CA10: variants seen among roughly 807,000 people sequenced by gnomAD.
CA10 encodes carbonic anhydrase 10 (inactive), also known as carbonic anhydrase-related protein 10.
CA10 carries 14 observed loss-of-function variants against 44.2 expected under a neutral mutation model. The ratio of observed to expected loss-of-function variants is 0.32; its 90% confidence interval spans 0.21 to 0.50. CA10 has a LOEUF of 0.50. CA10 is among the 20% of genes least tolerant of loss of function. The probability of loss-of-function intolerance (pLI) is 0.99; values close to 1 mark genes in which losing one functional copy is unlikely to be tolerated. For missense variants in CA10, 350 were observed against 409.7 expected (o/e 0.85, Z 1.26); for synonymous variants, 159 against 141.6 (o/e 1.12, Z -0.87).
intron 1 of CA10, among the ~76,000 whole-genome samples, chr17:52,114,502 C>T (rs1236855903): frequency 2.0e-5 from 3 of 152,186 alleles, no homozygotes; most frequent in East Asian, 3.9e-4. Context: ...GCCAAATGTG[C>T]TAATACATGT....
rs541359755 is a variant in CA10, at chr17:52,043,804, T to G, written c.136+28515A>C. 8.5e-5 allele frequency among the ~76,000 whole-genome samples: 13 copies of G among 152,284 alleles called. No individual in the cohort carries two copies. In the South Asian group the frequency reaches 2.7e-3, roughly 32 times the overall value. On this transcript the variant is annotated intron_variant, in intron 2 of 8. Transcript: ENST00000451037. The stretch of plus-strand genomic sequence containing the variant: ...TGTCAAATGCTTTTTCCCCATCTAT[T>G]GAGATAATCATATATTTTTCATAAT...
At chr17:51,654,849 C>A (rs1397205189) in intron 4 of CA10, among the ~76,000 whole-genome samples, 1 of 152,142 alleles carries the variant, frequency 6.6e-6, no homozygotes, top group Non-Finnish European at 1.5e-5. Flanking sequence ...AGCCACTGCG[C>A]CCGGCCAGAA....
chr17:51,857,192 A>G (rs1423985891), intron 3 of CA10, among the ~76,000 whole-genome samples: 1 of 152,200 alleles, frequency 6.6e-6, no homozygotes, highest in Non-Finnish European at 1.5e-5. Context: ...AAAGTATCTA[A>G]CATCTCCAGG....
At chr17:51,946,778 A>C (rs1390588382) in intron 2 of CA10, among the ~76,000 whole-genome samples, 1 of 152,194 alleles carries the variant, frequency 6.6e-6, no homozygotes, top group Non-Finnish European at 1.5e-5. Flanking sequence ...TCTTATAACA[A>C]TAGCAGAAAG....
At chr17:52,060,963 A>T (rs974513310) in intron 2 of CA10, among the ~76,000 whole-genome samples, 3 of 152,188 alleles carry the variant, frequency 2.0e-5, no homozygotes, top group African/African-American at 7.2e-5. Context: ...GAATGAAGTA[A>T]CATGAGTAAA....
At chr17:51,942,345 C>T (rs924293730) in intron 2 of CA10, among the ~76,000 whole-genome samples, 3 of 151,878 alleles carry the variant, frequency 2.0e-5, no homozygotes, top group Non-Finnish European at 2.9e-5. Flanking sequence ...ATATATAATC[C>T]GTTGGTGTTT....
chr17:52,042,951 G>A (rs1986813061), intron 2 of CA10, among the ~76,000 whole-genome samples: 1 of 151,930 alleles, frequency 6.6e-6, no homozygotes, highest in South Asian at 2.1e-4. Context: ...CTATTGGTCT[G>A]TTTGTCTGTT....
chr17:51,701,897 C>T (rs756978876), intron 4 of CA10, among the ~76,000 whole-genome samples: 1 of 152,142 alleles, frequency 6.6e-6, no homozygotes, highest in Non-Finnish European at 1.5e-5. Context: ...TTTCTGTGGA[C>T]CTTGTAGTCA....
At position 51,644,126 on chromosome 17, in the gene CA10, AT is replaced by A. The variant is rs565630447; in HGVS notation, c.634+5055del. 2.9e-4 allele frequency among the ~76,000 whole-genome samples: 43 copies of A among 150,788 alleles called. No homozygotes were observed. In the South Asian group the frequency reaches 8.9e-3, roughly 31 times the overall value. ...TCCTTGTATGAATTTCCTGGCATTG[AT>A]TTTTTTTGTAACTGGCTCAAAAGAA... On this transcript the variant is annotated intron_variant, in intron 6 of 8. Transcript: ENST00000451037.
chr17:51,686,379 C>A (rs544966242), intron 4 of CA10, among the ~76,000 whole-genome samples: 1 of 152,172 alleles, frequency 6.6e-6, no homozygotes, highest in African/African-American at 2.4e-5. Flanking sequence ...TTGGCTTTCT[C>A]TTCTTCAGCC....
At chr17:51,804,131 A>G (rs1907040438) in intron 3 of CA10, among the ~76,000 whole-genome samples, 2 of 152,332 alleles carry the variant, frequency 1.3e-5, no homozygotes, top group South Asian at 4.1e-4. Flanking sequence ...TAAATGGTAA[A>G]TTAGTCCTAT....
At chr17:51,653,546 C>A (rs1913657496) in intron 5 of CA10, 95 bp downstream of exon 5, 3 of 758,086 alleles carry the variant, frequency 4.0e-6, no homozygotes, top group South Asian at 1.5e-5. Context: ...TGGATAGCAC[C>A]CCTTTTAATA....
chr17:51,641,786 CTT>C (rs5820865), intron 6 of CA10, among the ~76,000 whole-genome samples: 1 of 150,528 alleles, frequency 6.6e-6, no homozygotes, highest in Non-Finnish European at 1.5e-5. Context: ...TCAGTCTGAA[CTT>C]TTTTTTTTCA....
intron 3 of CA10, among the ~76,000 whole-genome samples, chr17:51,772,619 C>T (rs578256463): frequency 1.3e-5 from 2 of 151,596 alleles, no homozygotes; most frequent in South Asian, 4.2e-4. Context: ...GGAAGGCCTA[C>T]AATTGCCATG....
chr17:52,142,331 A>C (rs1989497992), intron 1 of CA10, among the ~76,000 whole-genome samples: 1 of 152,226 alleles, frequency 6.6e-6, no homozygotes, highest in African/African-American at 2.4e-5. Flanking sequence ...CAGCTAACTC[A>C]AATAGTCTTC....
chr17:51,881,099 G>T (rs1055564862), intron 3 of CA10, among the ~76,000 whole-genome samples: 2 of 151,958 alleles, frequency 1.3e-5, no homozygotes, highest in East Asian at 1.9e-4. Context: ...AATTAGCCAG[G>T]CATGGTGGCT....
intron 2 of CA10, among the ~76,000 whole-genome samples, chr17:51,968,805 G>T (rs1049132483): frequency 4.6e-5 from 7 of 151,798 alleles, no homozygotes; most frequent in African/African-American, 1.7e-4. Context: ...GGCAATGAAG[G>T]GCATGATGAT....
chr17:51,824,854 C>A (rs1907947596), intron 3 of CA10, among the ~76,000 whole-genome samples: 1 of 152,218 alleles, frequency 6.6e-6, no homozygotes. Flanking sequence ...TGACATCTCT[C>A]ACTGTTGCTT....
chr17:51,988,666 T>C (rs1984928989), intron 2 of CA10, among the ~76,000 whole-genome samples: 1 of 152,058 alleles, frequency 6.6e-6, no homozygotes, highest in African/African-American at 2.4e-5. Flanking sequence ...TCTTTATTTT[T>C]ACCTTTCTAC....
Sources: allele counts gnomAD v4.1 joint callset (sites outside exome capture counted in the v4.1 genomes callset), GRCh38; gene constraint gnomAD v4.1.1; transcripts MANE v1.5; gene names NCBI Gene and HGNC (gene_info 2026-07-23, HGNC 2026-07-21).